Variants in NMD3 observed in about 807,000 individuals in gnomAD.
The protein encoded by NMD3 is NMD3 ribosome export adaptor.
A neutral mutation model predicts 73.1 loss-of-function variants in NMD3; 47 were observed. That is an observed-to-expected ratio of 0.64 (90% confidence interval 0.51 to 0.82). The LOEUF is 0.82. NMD3 is among the 40% of genes least tolerant of loss of function. The pLI, the probability that NMD3 is intolerant of heterozygous loss-of-function variation, is 0.00. For synonymous variants in NMD3, 210 were observed against 194.5 expected, an observed-to-expected ratio of 1.08 and a Z score of -0.66; for missense variants, 554 against 612.5, an observed-to-expected ratio of 0.90 and a Z score of 1.01.
chr3:161,224,226 A>C (rs1736217336), intron 2 of NMD3, among the ~76,000 whole-genome samples: 1 of 152,214 alleles, frequency 6.6e-6, no homozygotes, highest in African/African-American at 2.4e-5. Flanking sequence ...GAATTAAAAA[A>C]ATAAATTGAG....
chr3:161,237,953 G>T (rs753376024), intron 7 of NMD3, among the ~76,000 whole-genome samples, 160 bp from the exon 8 acceptor site: 4 of 152,204 alleles, frequency 2.6e-5, no homozygotes, highest in Non-Finnish European at 5.9e-5. Flanking sequence ...TTTTGCCAAA[G>T]AAGTCTTAAG....
At chr3:161,230,749 A>G (rs1736506021) in intron 4 of NMD3, among the ~76,000 whole-genome samples, 1 of 152,204 alleles carries the variant, frequency 6.6e-6, no homozygotes, top group Admixed American at 6.5e-5. Flanking sequence ...TGATGGGAGT[A>G]TGGATAATTC....
chr3:161,239,605 T>C (rs1468152767), intron 9 of NMD3, among the ~76,000 whole-genome samples: 1 of 152,134 alleles, frequency 6.6e-6, no homozygotes, highest in Non-Finnish European at 1.5e-5. Flanking sequence ...AAATTGAAGT[T>C]TGAGGAGGTT....
intron 8 of NMD3, 32 bp from the exon 9 acceptor site, chr3:161,238,698 C>T (rs188284072): frequency 2.0e-6 from 2 of 1,017,816 alleles, no homozygotes; most frequent in Admixed American, 1.8e-5. Context: ...TGATCTTTGT[C>T]TTTATATTAC....
chr3:161,238,752 A>G lies in NMD3; in HGVS notation c.679A>G (p.Ile227Val). 1 of 1,569,798 alleles carries G rather than the reference A, an allele frequency of 6.4e-7. No individual in the cohort carries two copies. The highest frequency in any genetic ancestry group is 1.7e-4 in the Middle Eastern group (1 of 5,760). The change falls in exon 9 of 16, where the codon ATC (isoleucine) becomes GTC (valine). Residue 227 changes from isoleucine (I) to valine (V), a missense_variant. Physicochemically the swap from Ile to Val is conservative, Grantham distance 29 (BLOSUM62 3). Coordinates refer to ENST00000351193, the MANE Select transcript of NMD3 (RefSeq NM_015938.5). ...TAGATACAAAGCATCACAAAGACTGATCTCTCAAGATATCCATAGTAACAC... is the reference window on the plus strand; with the variant it reads ...TAGATACAAAGCATCACAAAGACTGGTCTCTCAAGATATCCATAGTAACAC... ...PCRYKASQRLISQDIHSNTYN... is the reference protein window; with the variant it reads ...PCRYKASQRLVSQDIHSNTYN...
At chr3:161,227,954 A>G (rs1169366102) in intron 4 of NMD3, among the ~76,000 whole-genome samples, 3 of 152,108 alleles carry the variant, frequency 2.0e-5, no homozygotes, top group Non-Finnish European at 4.4e-5. Context: ...ACTAAACATA[A>G]TTGGGATTAT....
intron 9 of NMD3, 49 bp from the exon 10 acceptor site, chr3:161,240,997 A>G (rs1351031251): frequency 8.8e-7 from 1 of 1,140,896 alleles, no homozygotes; most frequent in Non-Finnish European, 1.3e-6. Context: ...TGTTTATTGG[A>G]CTGTTATTTA....
chr3:161,224,734 G>C (rs933378666), intron 2 of NMD3, among the ~76,000 whole-genome samples, 196 bp from the exon 3 acceptor site: 3 of 152,074 alleles, frequency 2.0e-5, no homozygotes, highest in Non-Finnish European at 4.4e-5. Flanking sequence ...TGATCTACCC[G>C]CCTCAGCCTC....
At chr3:161,236,752 A>G (rs181195259) in intron 7 of NMD3, among the ~76,000 whole-genome samples, 4 of 152,244 alleles carry the variant, frequency 2.6e-5, no homozygotes, top group African/African-American at 9.6e-5. Context: ...AGAGTGTGAG[A>G]TAAGTGTCTA....
At chr3:161,247,167 A>AT in intron 12 of NMD3, 91 bp from the exon 13 acceptor site, 2 of 742,800 alleles carry the variant, frequency 2.7e-6, no homozygotes, top group Non-Finnish European at 4.7e-6. Flanking sequence ...TAAATGTTTG[A>AT]TTTTTAGGAA....
intron 13 of NMD3, among the ~76,000 whole-genome samples, chr3:161,248,087 C>T (rs1335175816): frequency 1.3e-5 from 2 of 152,024 alleles, no homozygotes; most frequent in African/African-American, 4.8e-5. Context: ...TGCCTGGCTT[C>T]ATTTTAAATA....
In NMD3 at chr3:161,250,861, A is replaced by G; in HGVS notation, c.1463A>G (p.His488Arg). Reference sequence around the variant, plus strand: ...CTGGCTGAGATGCTTGAAGACCTTCATATTTCCCAAGATGCCACTGGTGAA... The same window carrying G: ...CTGGCTGAGATGCTTGAAGACCTTCGTATTTCCCAAGATGCCACTGGTGAA... Reference protein sequence around the residue: ...ISLAEMLEDLHISQDATGEEG... With the variant: ...ISLAEMLEDLRISQDATGEEG... The change falls in exon 16 of 16, where the codon CAT becomes CGT. Residue 488 changes from histidine (H) to arginine (R), a missense_variant. By Grantham distance (29) the His-to-Arg change is conservative (BLOSUM62 0). Transcript: ENST00000351193. The G allele has an allele frequency of 6.2e-7, 1 of 1,612,878 alleles. No individual in the cohort carries two copies. The highest frequency in any genetic ancestry group is 8.5e-7 in the Non-Finnish European group (1 of 1,179,036).
chr3:161,249,770 A>G lies in NMD3; in HGVS notation c.1310+210A>G, dbSNP rs1364102510. 6.9e-6 allele frequency: 4 copies of G among 578,428 alleles called. No homozygotes were observed. In the African/African-American group the frequency reaches 7.6e-5, roughly 11 times the overall value. The allele number at this position is 578,428 out of a possible 1,614,324, so 35.8% of individuals were successfully genotyped here. A position where few individuals can be genotyped will look rare whatever the true frequency, so the allele number is the denominator to read the frequency against. On this transcript the variant is annotated intron_variant, in intron 14 of 15. Coordinates refer to ENST00000351193, the MANE Select transcript of NMD3 (RefSeq NM_015938.5). ...TAATTATTTCCTGGTTTATGACCTA[A>G]TAATTGTAGTGTTAATGTAAACAAT... is the stretch of plus-strand genomic sequence containing the variant.
chr3:161,232,641 T>G (rs528015948), intron 4 of NMD3, among the ~76,000 whole-genome samples: 3 of 152,328 alleles, frequency 2.0e-5, no homozygotes, highest in Non-Finnish European at 2.9e-5. Flanking sequence ...CAGTTACCAT[T>G]AAATCTTACA....
chr3:161,242,774 A>ATTAGGAAAAAAATTCTTTTTTT, intron 11 of NMD3, 121 bp downstream of exon 11: 1 of 754,662 alleles, frequency 1.3e-6, no homozygotes, highest in South Asian at 3.4e-5. Flanking sequence ...TTAGCACCAC[A>ATTAGGAAAAAAATTCTTTTTTT]TTAGGAAAAA....
chr3:161,225,816 G>GTA (rs1166402789), intron 3 of NMD3, among the ~76,000 whole-genome samples: 1 of 151,768 alleles, frequency 6.6e-6, no homozygotes, highest in African/African-American at 2.4e-5. Flanking sequence ...TTACATACAT[G>GTA]TATATATATG....
At chr3:161,237,087 T>G (rs563176445) in intron 7 of NMD3, among the ~76,000 whole-genome samples, 1 of 152,336 alleles carries the variant, frequency 6.6e-6, no homozygotes, top group African/African-American at 2.4e-5. Context: ...TCTTTAATAT[T>G]TCTCAGCTAG....
At chr3:161,237,789 A>G (rs190968580) in intron 7 of NMD3, among the ~76,000 whole-genome samples, 13 of 151,988 alleles carry the variant, frequency 8.6e-5, no homozygotes, top group African/African-American at 2.9e-4. Flanking sequence ...CAGCCTCCCA[A>G]AGTGCTGGGA....
In NMD3 at chr3:161,246,428, T is replaced by C; in HGVS notation, c.1110T>C (p.Asn370=). 6.7e-7 allele frequency: 1 copy of C among 1,489,270 alleles called. No individual in the cohort carries two copies. Among genetic ancestry groups the C allele is most frequent in the African/African-American group, 1.4e-5 (1 of 73,320 alleles). The allele number at this position is 1,489,270 out of a possible 1,614,324, so 92.3% of individuals were successfully genotyped here. A position where few individuals can be genotyped will look rare whatever the true frequency, so the allele number is the denominator to read the frequency against. The change falls in exon 12 of 16, where the codon AAT becomes AAC. Residue 370 remains asparagine, a synonymous_variant. Coordinates refer to ENST00000351193, the MANE Select transcript of NMD3 (RefSeq NM_015938.5). ...GTACTCATTTGGGACATCTTCTAAA[T>C]CCCGGAGACCTGGTGTTAGGGTTTG... is the stretch of plus-strand genomic sequence containing the variant. ...FCRTHLGHLL[N]PGDLVLGFDL...
Sources: allele counts gnomAD v4.1 joint callset (sites outside exome capture counted in the v4.1 genomes callset), GRCh38; gene constraint gnomAD v4.1.1; transcripts MANE v1.5; gene names NCBI Gene and HGNC (gene_info 2026-07-23, HGNC 2026-07-21).